Variants in CXCL13 observed in about 807,000 individuals in gnomAD.
The protein encoded by CXCL13 is C-X-C motif chemokine 13.
CXCL13 carries 7 observed loss-of-function variants against 12.2 expected under a neutral mutation model. The ratio of observed to expected loss-of-function variants is 0.57; its 90% confidence interval spans 0.33 to 1.07. The LOEUF (loss-of-function observed/expected upper bound fraction) is 1.07, where lower values mean the gene tolerates loss of function less well. CXCL13 is among the 50% of genes least tolerant of loss of function. The pLI is 0.04. For missense variants in CXCL13, 113 were observed against 127.4 expected, an observed-to-expected ratio of 0.89 and a Z score of 0.55; for synonymous variants, 47 against 42.4, an observed-to-expected ratio of 1.11 and a Z score of -0.42.
intron 1 of CXCL13, among the ~76,000 whole-genome samples, chr4:77,551,225 A>G (rs746437871): frequency 6.6e-6 from 1 of 152,178 alleles, no homozygotes; most frequent in Non-Finnish European, 1.5e-5. Flanking sequence ...TCTGTGGGCT[A>G]TGTACTTTAG....
intron 1 of CXCL13, among the ~76,000 whole-genome samples, chr4:77,583,083 T>C (rs963217361): frequency 6.9e-4 from 105 of 152,310 alleles, no homozygotes; most frequent in Admixed American, 3.4e-3. Context: ...CTGAATAATC[T>C]AACTGTGACA....
Position 77,577,542 on chromosome 4 carries a change from C to T in CXCL13, c.-42-28282C>T, listed in dbSNP as rs139563584. ...TCCCATTTCATGGATAAAGGTCATG[C>T]TAGTATCCATGGCATAAATGAGGTC... On this transcript the variant is annotated intron_variant, in intron 1 of 4. Transcript: ENST00000286758. 6.0e-4 allele frequency among the ~76,000 whole-genome samples: 92 copies of T among 152,228 alleles called. 1 individual carries two copies. The East Asian group carries it at 0.015, about 25-fold the overall frequency.
chr4:77,544,888 T>G (rs542897090), intron 1 of CXCL13, among the ~76,000 whole-genome samples: 1 of 152,246 alleles, frequency 6.6e-6, no homozygotes, highest in South Asian at 2.1e-4. Context: ...AGGTCTAACA[T>G]GCAAGTCTTT....
At chr4:77,522,911 C>CA (rs1724647046) in intron 1 of CXCL13, among the ~76,000 whole-genome samples, 2 of 152,224 alleles carry the variant, frequency 1.3e-5, no homozygotes, top group African/African-American at 4.8e-5. Flanking sequence ...CTGGTGGTGA[C>CA]AAAATCTCTC....
At chr4:77,600,214 A>G (rs967355782) in intron 1 of CXCL13, among the ~76,000 whole-genome samples, 3 of 152,016 alleles carry the variant, frequency 2.0e-5, no homozygotes, top group Admixed American at 6.6e-5. Context: ...ACTTACATGT[A>G]AACTTGAAGG....
At chr4:77,546,229 C>A (rs1227608288) in intron 1 of CXCL13, among the ~76,000 whole-genome samples, 1 of 152,100 alleles carries the variant, frequency 6.6e-6, no homozygotes, top group South Asian at 2.1e-4. Flanking sequence ...TGTGTCTCTG[C>A]CAGGCTTTGT....
intron 1 of CXCL13, among the ~76,000 whole-genome samples, chr4:77,571,496 G>T (rs2109819023): frequency 6.6e-6 from 1 of 151,972 alleles, no homozygotes; most frequent in African/African-American, 2.4e-5. Flanking sequence ...CAAGGTTTGT[G>T]AATGCACCAA....
chr4:77,586,467 G>A (rs1266745900), intron 1 of CXCL13, among the ~76,000 whole-genome samples: 2 of 152,136 alleles, frequency 1.3e-5, no homozygotes, highest in Non-Finnish European at 2.9e-5. Context: ...CTCTTGCCAG[G>A]TCAGCTGAAT....
chr4:77,520,629 G>T (rs975437907), intron 1 of CXCL13, among the ~76,000 whole-genome samples: 1 of 152,170 alleles, frequency 6.6e-6, no homozygotes, highest in Non-Finnish European at 1.5e-5. Context: ...AGACAATGGG[G>T]TTTTCTAAAT....
chr4:77,598,928 C>T (rs1009988152), intron 1 of CXCL13, among the ~76,000 whole-genome samples: 2 of 152,088 alleles, frequency 1.3e-5, no homozygotes, highest in Non-Finnish European at 2.9e-5. Context: ...CCTGCCTTAG[C>T]CTCCATAGTA....
upstream of CXCL13, among the ~76,000 whole-genome samples, chr4:77,604,586 T>C (rs981095383): frequency 1.3e-5 from 2 of 151,642 alleles, no homozygotes; most frequent in Admixed American, 1.3e-4. Context: ...CTTTCACATA[T>C]ACATAAGGAA....
intron 1 of CXCL13, among the ~76,000 whole-genome samples, chr4:77,543,096 T>A (rs1725248075): frequency 1.3e-5 from 2 of 152,282 alleles, no homozygotes; most frequent in South Asian, 4.1e-4. Context: ...CTTGGGAGAT[T>A]GTGTGTTTCT....
chr4:77,565,202 G>A (rs575531332), intron 1 of CXCL13, among the ~76,000 whole-genome samples: 2 of 152,266 alleles, frequency 1.3e-5, no homozygotes, highest in East Asian at 3.9e-4. Flanking sequence ...AAATTTGTTT[G>A]CAAAAAGAAG....
intron 1 of CXCL13, among the ~76,000 whole-genome samples, chr4:77,529,941 A>G (rs140649777): frequency 0.019 from 2,944 of 152,298 alleles, 115 homozygotes; most frequent in African/African-American, 0.067. Context: ...TTATTTTGAG[A>G]TACGCTCCAT....
At chr4:77,555,192 G>A (rs181970622) in intron 1 of CXCL13, among the ~76,000 whole-genome samples, 1 of 151,964 alleles carries the variant, frequency 6.6e-6, no homozygotes, top group East Asian at 1.9e-4. Context: ...AAGAAAAAAA[G>A]GATATGAGTT....
At chr4:77,526,851 G>T (rs1050159185) in intron 1 of CXCL13, among the ~76,000 whole-genome samples, 1 of 152,258 alleles carries the variant, frequency 6.6e-6, no homozygotes, top group Non-Finnish European at 1.5e-5. Flanking sequence ...AAGCCAAGAA[G>T]GGCCAGCCAC....
At chr4:77,607,028 AAC>A (rs1247207022) in intron 1 of CXCL13, among the ~76,000 whole-genome samples, 1 of 152,236 alleles carries the variant, frequency 6.6e-6, no homozygotes, top group Non-Finnish European at 1.5e-5. Flanking sequence ...ACAGAGGACC[AAC>A]ATATCAAACA....
intron 1 of CXCL13, among the ~76,000 whole-genome samples, chr4:77,549,744 T>C (rs1459740172): frequency 6.6e-6 from 1 of 152,100 alleles, no homozygotes; most frequent in Non-Finnish European, 1.5e-5. Flanking sequence ...CTGTATGAGG[T>C]GTCAGTCAGT....
At chr4:77,537,821 AC>A (rs929216792) in intron 1 of CXCL13, among the ~76,000 whole-genome samples, 3 of 152,134 alleles carry the variant, frequency 2.0e-5, no homozygotes, top group Admixed American at 1.3e-4. Flanking sequence ...CCTAGGGTAG[AC>A]ATGTGATTCA....
Sources: gnomAD v4.1 joint callset for allele counts (sites outside exome capture counted in the v4.1 genomes callset) on GRCh38, gnomAD v4.1.1 for gene constraint, MANE v1.5 for transcripts, NCBI Gene and HGNC (gene_info 2026-07-23, HGNC 2026-07-21) for gene names.